The following EIF2B3 variants were observed in gnomAD, a reference collection of about 807,000 sequenced individuals.
EIF2B3 encodes the protein translation initiation factor eIF2B subunit gamma.
EIF2B3 carries 20 observed loss-of-function variants against 54.1 expected under a neutral mutation model. The observed-to-expected ratio is 0.37, with a 90% CI of 0.26 to 0.54. The LOEUF (loss-of-function observed/expected upper bound fraction) is 0.54. Ranked by LOEUF, EIF2B3 falls within the 20% of genes least tolerant of loss-of-function variation. EIF2B3 has a pLI of 0.86. For synonymous variants in EIF2B3, 153 were observed against 188.1 expected, an observed-to-expected ratio of 0.81 and a Z score of 1.52; for missense variants, 448 against 547.8, an observed-to-expected ratio of 0.82 and a Z score of 1.82.
intron 5 of EIF2B3, among the ~76,000 whole-genome samples, chr1:44,901,646 C>T (rs965324156): frequency 1.3e-5 from 2 of 149,978 alleles, no homozygotes; most frequent in African/African-American, 4.9e-5. Context: ...GCCCCCTCAA[C>T]CTCCCTGGGC....
intron 5 of EIF2B3, among the ~76,000 whole-genome samples, chr1:44,906,336 C>A (rs1643409722): frequency 6.6e-6 from 1 of 152,182 alleles, no homozygotes; most frequent in South Asian, 2.1e-4. Flanking sequence ...ATGGTCACGG[C>A]AAAGGTTCAG....
intron 3 of EIF2B3, among the ~76,000 whole-genome samples, chr1:44,955,664 T>C (rs1644215576): frequency 6.6e-6 from 1 of 151,332 alleles, no homozygotes; most frequent in African/African-American, 2.4e-5. Flanking sequence ...TAAACAAATT[T>C]ATAAGAAAAA....
intron 5 of EIF2B3, among the ~76,000 whole-genome samples, chr1:44,901,085 C>T (rs763577442): frequency 2.0e-5 from 3 of 152,024 alleles, no homozygotes; most frequent in Non-Finnish European, 4.4e-5. Context: ...GGTGGGACTA[C>T]AGGTTCGTGC....
At chr1:44,866,479 A>C (rs1372439870) in intron 10 of EIF2B3, among the ~76,000 whole-genome samples, 9 of 152,106 alleles carry the variant, frequency 5.9e-5, no homozygotes, top group Non-Finnish European at 1.2e-4. Context: ...TAAGTGCCAC[A>C]GTACCATGTG....
chr1:44,870,182 G>C (rs989819975), intron 10 of EIF2B3, among the ~76,000 whole-genome samples: 1 of 148,832 alleles, frequency 6.7e-6, no homozygotes, highest in Non-Finnish European at 1.5e-5. Flanking sequence ...AAAAAAGAGA[G>C]AGAGAGAGAG....
chr1:44,856,578 T>G (rs914828887), intron 11 of EIF2B3, among the ~76,000 whole-genome samples: 15 of 143,014 alleles, frequency 1.0e-4, no homozygotes, highest in African/African-American at 3.9e-4. Context: ...TGATTAAAAA[T>G]TTCACTTGGT....
At chr1:44,946,612 T>C (rs573295844) in intron 3 of EIF2B3, among the ~76,000 whole-genome samples, 13 of 144,358 alleles carry the variant, frequency 9.0e-5, no homozygotes, top group Non-Finnish European at 1.7e-4. Flanking sequence ...CTAATTTTAA[T>C]TTCTTCTTCT....
At chr1:44,968,148 G>A (rs1289954663) in intron 3 of EIF2B3, among the ~76,000 whole-genome samples, 2 of 152,036 alleles carry the variant, frequency 1.3e-5, no homozygotes, top group Admixed American at 6.6e-5. Flanking sequence ...CAGATCATTT[G>A]AGTCCAGGAG....
At chr1:44,887,520 C>A (rs555507614) in intron 6 of EIF2B3, among the ~76,000 whole-genome samples, 19 of 152,226 alleles carry the variant, frequency 1.2e-4, no homozygotes, top group Non-Finnish European at 2.4e-4. Context: ...ATGGCGAAAT[C>A]TTACTAAAGA....
chr1:44,873,566 G>C (rs907520439), intron 10 of EIF2B3, among the ~76,000 whole-genome samples: 6 of 152,000 alleles, frequency 3.9e-5, no homozygotes, highest in Admixed American at 2.0e-4. Context: ...AGCAAACTAT[G>C]GTCTTTTCAT....
rs1557656685 is a variant in EIF2B3, at chr1:44,854,259, TC to T, written c.1307-3257del. 2.6e-5 allele frequency among the ~76,000 whole-genome samples: 4 copies of T among 152,210 alleles called. No homozygotes were observed. In the South Asian group the frequency reaches 6.2e-4, roughly 24 times the overall value. ...CTCAAGTGATCCACTCGCCTTGGTC[TC>T]CCAAAGTGCTGGGATTACAGGCGTG... is the stretch of plus-strand genomic sequence containing the variant. On this transcript the variant is annotated intron_variant, in intron 11 of 11. Coordinates refer to ENST00000360403, the MANE Select transcript of EIF2B3 (RefSeq NM_020365.5).
At chr1:44,912,694 AG>A (rs1643539460) in intron 5 of EIF2B3, among the ~76,000 whole-genome samples, 1 of 152,176 alleles carries the variant, frequency 6.6e-6, no homozygotes, top group African/African-American at 2.4e-5. Context: ...CTCAGCGCCT[AG>A]GATTAGATAC....
chr1:44,939,802 G>T (rs1320266429), intron 4 of EIF2B3, among the ~76,000 whole-genome samples: 1 of 151,888 alleles, frequency 6.6e-6, no homozygotes, highest in African/African-American at 2.4e-5. Context: ...ATGACAAGAA[G>T]AATAAGTTGA....
At chr1:44,906,605 G>C (rs2148919723) in intron 5 of EIF2B3, among the ~76,000 whole-genome samples, 1 of 152,138 alleles carries the variant, frequency 6.6e-6, no homozygotes, top group African/African-American at 2.4e-5. Context: ...TCATTATGTT[G>C]GTCAGGCTGG....
intron 10 of EIF2B3, among the ~76,000 whole-genome samples, chr1:44,873,632 A>AT (rs1271398003): frequency 6.6e-6 from 1 of 151,644 alleles, no homozygotes; most frequent in Non-Finnish European, 1.5e-5. Context: ...GAAGTGTTTT[A>AT]TTTTTTATTT....
At chr1:44,947,880 CT>C (rs1553178008) in intron 3 of EIF2B3, among the ~76,000 whole-genome samples, 1 of 151,132 alleles carries the variant, frequency 6.6e-6, no homozygotes, top group Admixed American at 6.6e-5. Flanking sequence ...CTTTTCTTTT[CT>C]TTTTTTTTAG....
At chr1:44,915,239 G>A (rs1445101694) in intron 5 of EIF2B3, among the ~76,000 whole-genome samples, 1 of 151,106 alleles carries the variant, frequency 6.6e-6, no homozygotes, top group Non-Finnish European at 1.5e-5. Flanking sequence ...GGCGGAGATT[G>A]CAGCAAGCAG....
In EIF2B3 at chr1:44,887,011, G is replaced by A. The variant is rs947104268; in HGVS notation, c.657-5272C>T. 2.0e-5 allele frequency among the ~76,000 whole-genome samples: 3 copies of A among 152,186 alleles called. No homozygotes were observed. In the South Asian group the frequency reaches 6.2e-4, roughly 32 times the overall value. The stretch of plus-strand genomic sequence containing the variant: ...GAGTGAACAAGCAAGGTACCTGCAA[G>A]GACCCACTTATGTCCATTGATCTCT... On this transcript the variant is annotated intron_variant, in intron 6 of 11. Coordinates refer to ENST00000360403, the MANE Select transcript of EIF2B3 (RefSeq NM_020365.5).
chr1:44,856,660 T>C (rs1244299032), intron 11 of EIF2B3, among the ~76,000 whole-genome samples: 1 of 151,476 alleles, frequency 6.6e-6, no homozygotes, highest in Non-Finnish European at 1.5e-5. Context: ...GGAAGGCATA[T>C]GACTTTAAAA....
Sources: allele counts gnomAD v4.1 joint callset (sites outside exome capture counted in the v4.1 genomes callset), GRCh38; gene constraint gnomAD v4.1.1; transcripts MANE v1.5; gene names NCBI Gene and HGNC (gene_info 2026-07-23, HGNC 2026-07-21).